Variants in RMDN2 observed in about 807,000 individuals in gnomAD.
RMDN2 encodes regulator of microtubule dynamics 2, also known as regulator of microtubule dynamics protein 2.
RMDN2 carries 61 observed loss-of-function variants against 52.8 expected under a neutral mutation model. The ratio of observed to expected loss-of-function variants is 1.16; its 90% CI spans 0.94 to 1.43. The LOEUF is 1.43. RMDN2 is among the 40% of genes most tolerant of loss of function. The probability of loss-of-function intolerance (pLI) is 0.00; values close to 1 mark genes in which losing one functional copy is unlikely to be tolerated. For synonymous variants in RMDN2, 180 were observed against 153.1 expected (o/e 1.18, Z -1.30); for missense variants, 592 against 475.3 (o/e 1.25, Z -2.28).
At chr2:37,951,200 T>G (rs750188562) in intron 2 of RMDN2, 3 of 1,518,348 alleles carry the variant, frequency 2.0e-6, no homozygotes, top group East Asian at 4.5e-5. Flanking sequence ...CTCCCTATTT[T>G]TTTTCCTCAT....
chr2:38,035,872 A>G (rs1042332134), intron 10 of RMDN2: 1 of 152,142 alleles, frequency 6.6e-6, no homozygotes, highest in Non-Finnish European at 1.5e-5. Context: ...AGCATTCACA[A>G]CCGTATCTGG....
chr2:37,951,623 C>T (rs558576469), intron 2 of RMDN2: 2 of 1,613,318 alleles, frequency 1.2e-6, no homozygotes, highest in East Asian at 2.2e-5. Context: ...GTATAGTTTC[C>T]TATTACAAGA....
At chr2:38,027,071 A>T (rs1453693555) in intron 10 of RMDN2, 4 of 152,224 alleles carry the variant, frequency 2.6e-5, no homozygotes, top group African/African-American at 9.6e-5. Context: ...TTTGGTAAAC[A>T]TTCCATGTAC....
chr2:37,978,329 G>A (rs1358998963), intron 4 of RMDN2, among the ~76,000 whole-genome samples: 1 of 131,122 alleles, frequency 7.6e-6, no homozygotes, highest in African/African-American at 3.0e-5. Flanking sequence ...GGGGGGAGAG[G>A]GAGGGGGAGG....
downstream of RMDN2, among the ~76,000 whole-genome samples, chr2:38,018,038 C>A (rs777323275): frequency 2.0e-5 from 3 of 152,102 alleles, no homozygotes; most frequent in Non-Finnish European, 4.4e-5. Flanking sequence ...AGGCAGGGAC[C>A]GGCTATTTTC....
At chr2:38,006,431 G>C (rs952576647) in intron 10 of RMDN2, among the ~76,000 whole-genome samples, 3 of 152,208 alleles carry the variant, frequency 2.0e-5, no homozygotes, top group African/African-American at 7.2e-5. Flanking sequence ...TCCCTTGTAA[G>C]TTGAATTCCT....
intron 2 of RMDN2, among the ~76,000 whole-genome samples, chr2:37,931,852 T>A (rs1666772857): frequency 6.6e-6 from 1 of 152,162 alleles, no homozygotes; most frequent in Non-Finnish European, 1.5e-5. Flanking sequence ...CTCCTCTTGC[T>A]TGATCCTGGG....
chr2:37,923,546 C>G (rs941489434), upstream of RMDN2, among the ~76,000 whole-genome samples: 3 of 152,130 alleles, frequency 2.0e-5, no homozygotes, highest in Non-Finnish European at 4.4e-5. Flanking sequence ...TCTTTGGTAT[C>G]TAAATCTTGT....
At chr2:37,953,209 T>C (rs938536540) in intron 2 of RMDN2, 1 of 152,034 alleles carries the variant, frequency 6.6e-6, no homozygotes, top group Non-Finnish European at 1.5e-5. Flanking sequence ...TAAAATTTAC[T>C]ATCTTAACCA....
At chr2:37,940,918 C>T (rs1317809140) in intron 2 of RMDN2, among the ~76,000 whole-genome samples, 1 of 152,142 alleles carries the variant, frequency 6.6e-6, no homozygotes, top group Non-Finnish European at 1.5e-5. Flanking sequence ...ATTCTCTGTC[C>T]AGTTTTGTTC....
At position 37,970,311 on chromosome 2, in the gene RMDN2, T is replaced by A. The variant is rs74723327; in HGVS notation, c.453-3729T>A. On this transcript the variant is annotated intron_variant, in intron 2 of 10. Transcript: ENST00000354545. The stretch of plus-strand genomic sequence containing the variant: ...AAAAATTTTTTTGGTAATGACTGAA[T>A]TGATCAGATAGGTCTCATCTGTTGC... Among the ~76,000 whole-genome samples the A allele has an allele frequency of 3.5e-3, 539 of 152,302 alleles. 4 individuals are homozygous for A. The highest frequency in any genetic ancestry group is 0.023 in the East Asian group (118 of 5,188).
At chr2:38,054,874 A>G (rs2125303357) in intron 10 of RMDN2, among the ~76,000 whole-genome samples, 1 of 152,318 alleles carries the variant, frequency 6.6e-6, no homozygotes, top group African/African-American at 2.4e-5. Flanking sequence ...GACATGCTCC[A>G]TAGTAAGGGC....
At chr2:37,970,894 T>C (rs1671723646) in intron 2 of RMDN2, among the ~76,000 whole-genome samples, 1 of 152,164 alleles carries the variant, frequency 6.6e-6, no homozygotes, top group Admixed American at 6.5e-5. Context: ...ATTTTTAAAT[T>C]GAATTATTTG....
intron 2 of RMDN2, among the ~76,000 whole-genome samples, chr2:37,960,068 G>A (rs1412384975): frequency 3.3e-5 from 5 of 152,076 alleles, no homozygotes; most frequent in Non-Finnish European, 7.4e-5. Context: ...CCAATTATGT[G>A]GTCAGTTTTT....
chr2:38,024,238 A>G (rs183729707), intron 10 of RMDN2, among the ~76,000 whole-genome samples: 269 of 152,352 alleles, frequency 1.8e-3, no homozygotes, highest in African/African-American at 5.9e-3. Flanking sequence ...CAAACAAATC[A>G]TCTATGAAAA....
chr2:37,951,911 C>T (rs778523677), intron 2 of RMDN2: 21 of 1,613,060 alleles, frequency 1.3e-5, no homozygotes, highest in Non-Finnish European at 1.7e-5. Flanking sequence ...ATGGAATTGC[C>T]AATGATATTC....
At chr2:38,041,110 T>C (rs528520446) in intron 10 of RMDN2, among the ~76,000 whole-genome samples, 26 of 152,272 alleles carry the variant, frequency 1.7e-4, no homozygotes, top group African/African-American at 6.3e-4. Context: ...TGGGTTCATT[T>C]TGGGGGGTTT....
intron 7 of RMDN2, among the ~76,000 whole-genome samples, chr2:37,996,261 T>A (rs138131552): frequency 6.6e-6 from 1 of 152,118 alleles, no homozygotes; most frequent in Non-Finnish European, 1.5e-5. Context: ...AGAAAAATTA[T>A]GTCAAAAAAT....
At chr2:37,984,515 T>TA (rs1673741535) in intron 5 of RMDN2, among the ~76,000 whole-genome samples, 1 of 152,202 alleles carries the variant, frequency 6.6e-6, no homozygotes, top group African/African-American at 2.4e-5. Flanking sequence ...ATCAGAGCAA[T>TA]ACAACAAGTG....
Sources: allele counts gnomAD v4.1 joint callset (sites outside exome capture counted in the v4.1 genomes callset), GRCh38; gene constraint gnomAD v4.1.1; transcripts MANE v1.5; gene names NCBI Gene and HGNC (gene_info 2026-07-23, HGNC 2026-07-21).